Variants in MTOR observed in about 807,000 individuals in gnomAD.
MTOR encodes the protein mechanistic target of rapamycin kinase.
MTOR carries 70 observed loss-of-function variants against 319.8 expected under a neutral mutation model. The observed-to-expected ratio is 0.22, with a 90% CI of 0.18 to 0.27. MTOR has a LOEUF of 0.27. MTOR is among the 10% of genes least tolerant of loss of function. The probability of loss-of-function intolerance (pLI) is 1.00; values close to 1 mark genes in which losing one functional copy is unlikely to be tolerated. For missense variants in MTOR, 1,890 were observed against 3,274.4 expected (o/e 0.58, Z 10.32); for synonymous variants, 1,183 against 1,211.4 (o/e 0.98, Z 0.49).
At position 11,256,272 on chromosome 1, in the gene MTOR, G is replaced by C. The variant is rs1056529254; in HGVS notation, c.505-80C>G. 3.3e-6 allele frequency: 5 copies of C among 1,528,208 alleles called. No homozygotes were observed. In the African/African-American group the frequency reaches 5.5e-5, roughly 17 times the overall value. 94.7% of individuals were successfully genotyped at this position (1,528,208 alleles called of 1,614,324 possible). ...AGGAGTACAGTCTCTTGTCATCTTAGAGCCATACACACCAGGAACAGAGAA... is the reference window on the plus strand; with the variant it reads ...AGGAGTACAGTCTCTTGTCATCTTACAGCCATACACACCAGGAACAGAGAA... On this transcript the variant is annotated intron_variant, in intron 4 of 57. Transcript: ENST00000361445.
At chr1:11,180,947 T>C (rs1645127080) in intron 28 of MTOR, among the ~76,000 whole-genome samples, 1 of 152,142 alleles carries the variant, frequency 6.6e-6, no homozygotes, top group South Asian at 2.1e-4. Flanking sequence ...CAGCTAATTT[T>C]TGTATTTTTA....
intron 28 of MTOR, among the ~76,000 whole-genome samples, chr1:11,188,256 C>T (rs1645386924): frequency 1.3e-5 from 2 of 152,148 alleles, no homozygotes. Flanking sequence ...TAGTGAAAAG[C>T]TTATTTTAAG....
At chr1:11,197,801 C>T (rs1645835121) in intron 28 of MTOR, among the ~76,000 whole-genome samples, 1 of 152,202 alleles carries the variant, frequency 6.6e-6, no homozygotes. Flanking sequence ...CCTTGGCCTC[C>T]CAGAGTGCTG....
chr1:11,174,332 G>A (rs1644918437), intron 28 of MTOR, among the ~76,000 whole-genome samples: 1 of 152,168 alleles, frequency 6.6e-6, no homozygotes, highest in Admixed American at 6.5e-5. Context: ...AGAACTCATT[G>A]TGCAGGAGAA....
chr1:11,186,184 T>C (rs1645317102), intron 28 of MTOR, among the ~76,000 whole-genome samples: 4 of 152,116 alleles, frequency 2.6e-5, no homozygotes, highest in African/African-American at 7.2e-5. Context: ...AATATTCCTT[T>C]GAGATACACA....
intron 13 of MTOR, 83 bp from the exon 14 acceptor site, chr1:11,234,348 G>C: frequency 1.3e-6 from 2 of 1,490,498 alleles, no homozygotes; most frequent in Non-Finnish European, 9.0e-7. Flanking sequence ...AAGTGGCAGG[G>C]AACTGGGGGA....
At chr1:11,255,931 G>T in intron 5 of MTOR, 61 bp downstream of exon 5, 1 of 1,520,728 alleles carries the variant, frequency 6.6e-7, no homozygotes, top group Non-Finnish European at 9.0e-7. Flanking sequence ...TGCCCTTTAG[G>T]CCAGGTGATT....
chr1:11,114,746 G>A (rs950886223), intron 52 of MTOR, 67 bp downstream of exon 52: 10 of 1,468,240 alleles, frequency 6.8e-6, no homozygotes, highest in African/African-American at 5.6e-5. Flanking sequence ...TCTAACAAGC[G>A]TGTTCTCAGA....
chr1:11,221,053 G>A (rs1423585655), intron 19 of MTOR, among the ~76,000 whole-genome samples: 1 of 151,502 alleles, frequency 6.6e-6, no homozygotes, highest in African/African-American at 2.4e-5. Context: ...GAAGTGCAGT[G>A]GTCCAATCTT....
intron 28 of MTOR, among the ~76,000 whole-genome samples, chr1:11,186,856 G>A (rs140030511): frequency 1.4e-4 from 22 of 152,114 alleles, no homozygotes; most frequent in Non-Finnish European, 2.6e-4. Flanking sequence ...AAAACTGGAG[G>A]GGGGGTGAGT....
intron 1 of MTOR, among the ~76,000 whole-genome samples, chr1:11,262,100 G>A (rs1269522814): frequency 6.6e-6 from 1 of 152,208 alleles, no homozygotes; most frequent in East Asian, 1.9e-4. Context: ...ACGGACGCTA[G>A]TGTTCCCTGG....
chr1:11,226,062 A>C (rs1569660361), intron 19 of MTOR, among the ~76,000 whole-genome samples: 1 of 152,332 alleles, frequency 6.6e-6, no homozygotes, highest in East Asian at 1.9e-4. Context: ...CATTATAACC[A>C]AGGTGGTTTT....
intron 47 of MTOR, among the ~76,000 whole-genome samples, chr1:11,123,850 C>CAA (rs1386313861): frequency 6.6e-6 from 1 of 152,042 alleles, no homozygotes; most frequent in African/African-American, 2.4e-5. Flanking sequence ...TACAATGGTG[C>CAA]AATCTTGGCT....
At chr1:11,244,889 A>G (rs1433912494) in intron 8 of MTOR, among the ~76,000 whole-genome samples, 1 of 152,240 alleles carries the variant, frequency 6.6e-6, no homozygotes, top group Admixed American at 6.5e-5. Context: ...CTAGGTGTAG[A>G]GTAGGCTATA....
chr1:11,195,186 T>G, intron 28 of MTOR: 8 of 751,836 alleles, frequency 1.1e-5, no homozygotes, highest in South Asian at 1.9e-5. Flanking sequence ...AAATCATATG[T>G]ACCAAGGATG....
Position 11,107,284 on chromosome 1 carries a change from TTG to T in MTOR, c.*199_*200del, listed in dbSNP as rs1304584641. On this transcript the variant is annotated 3_prime_UTR_variant, in exon 58 of 58. Coordinates refer to ENST00000361445, the MANE Select transcript of MTOR (RefSeq NM_004958.4). The stretch of plus-strand genomic sequence containing the variant: ...ACTGTCCTGGGAACCAAATCAAGCC[TTG>T]TGTTTCTGACAATATATTCTTCAAC... 16 of 1,453,428 alleles carry T rather than the reference TTG, an allele frequency of 1.1e-5. No homozygotes were observed. The highest frequency in any genetic ancestry group is 1.4e-5 in the Non-Finnish European group (15 of 1,101,914). 90.0% of individuals were successfully genotyped at this position (1,453,428 alleles called of 1,614,324 possible). A position where few individuals can be genotyped will look rare whatever the true frequency, so the allele number is the denominator to read the frequency against.
intron 28 of MTOR, among the ~76,000 whole-genome samples, chr1:11,177,523 A>G (rs1021749551): frequency 4.9e-4 from 74 of 152,184 alleles, no homozygotes; most frequent in African/African-American, 1.7e-3. Flanking sequence ...GCACCACTGC[A>G]CTCCAGACTG....
At chr1:11,219,646 T>C (rs1382261002) in intron 19 of MTOR, among the ~76,000 whole-genome samples, 1 of 152,016 alleles carries the variant, frequency 6.6e-6, no homozygotes, top group Non-Finnish European at 1.5e-5. Flanking sequence ...TCAGAAACAA[T>C]ATACACAATC....
intron 6 of MTOR, among the ~76,000 whole-genome samples, chr1:11,250,021 G>A (rs1306219348): frequency 1.3e-5 from 2 of 148,234 alleles, no homozygotes; most frequent in African/African-American, 2.5e-5. Flanking sequence ...CTCACCTCCC[G>A]GACGGGGTGG....
Sources: gnomAD v4.1 joint callset for allele counts (sites outside exome capture counted in the v4.1 genomes callset) on GRCh38, gnomAD v4.1.1 for gene constraint, MANE v1.5 for transcripts, NCBI Gene and HGNC (gene_info 2026-07-23, HGNC 2026-07-21) for gene names.